PXDNL: variants seen among roughly 807,000 people sequenced by gnomAD.
PXDNL encodes the protein probable oxidoreductase PXDNL.
PXDNL carries 145 observed loss-of-function variants against 150.8 expected under a neutral mutation model. The ratio of observed to expected loss-of-function variants is 0.96; its 90% CI spans 0.84 to 1.10. The LOEUF (loss-of-function observed/expected upper bound fraction) is 1.10. Among genes scored for constraint, PXDNL ranks in the 50% least tolerant of loss-of-function variants. The pLI is 0.00. For synonymous variants in PXDNL, 757 were observed against 725.7 expected (o/e 1.04, Z -0.69); for missense variants, 2,087 against 1,873.9 (o/e 1.11, Z -2.10).
chr8:51,364,972 G>A (rs1461933447), intron 19 of PXDNL, among the ~76,000 whole-genome samples: 2 of 151,842 alleles, frequency 1.3e-5, no homozygotes, highest in Non-Finnish European at 2.9e-5. Context: ...ATGAAGTCTC[G>A]CTCTGTAGCC....
intron 1 of PXDNL, among the ~76,000 whole-genome samples, chr8:51,711,140 T>C (rs1017165338): frequency 6.8e-6 from 1 of 146,462 alleles, no homozygotes; most frequent in Admixed American, 6.7e-5. Context: ...TTTGAAATTA[T>C]CTTTTTTATT....
chr8:51,429,991 C>A (rs1020093581), intron 12 of PXDNL, among the ~76,000 whole-genome samples: 1 of 152,066 alleles, frequency 6.6e-6, no homozygotes, highest in Admixed American at 6.6e-5. Context: ...CTCATGAGAA[C>A]CAGGGTCAGC....
chr8:51,572,555 G>C (rs1029158881), intron 3 of PXDNL, among the ~76,000 whole-genome samples: 1 of 151,826 alleles, frequency 6.6e-6, no homozygotes, highest in Non-Finnish European at 1.5e-5. Context: ...GCTGAGAGTG[G>C]GAGGAATAGA....
chr8:51,514,006 C>T (rs1811479796), intron 4 of PXDNL, among the ~76,000 whole-genome samples: 1 of 152,202 alleles, frequency 6.6e-6, no homozygotes, highest in Admixed American at 6.5e-5. Context: ...TTACATTTCA[C>T]TTCTGGATGT....
chr8:51,773,593 C>T (rs1181617039), intron 1 of PXDNL, among the ~76,000 whole-genome samples: 2 of 152,222 alleles, frequency 1.3e-5, no homozygotes, highest in African/African-American at 4.8e-5. Flanking sequence ...AAGCTTCCAT[C>T]TCAGGAAACA....
intron 3 of PXDNL, among the ~76,000 whole-genome samples, chr8:51,580,734 T>C (rs902149274): frequency 4.6e-5 from 7 of 152,106 alleles, no homozygotes; most frequent in African/African-American, 1.2e-4. Context: ...CTTTGTAGAA[T>C]AGAAGGATAC....
intron 21 of PXDNL, among the ~76,000 whole-genome samples, chr8:51,323,350 G>A (rs1455666189): frequency 2.0e-5 from 3 of 152,126 alleles, no homozygotes; most frequent in Non-Finnish European, 4.4e-5. Flanking sequence ...CACCATCATG[G>A]CTCACTGTAT....
chr8:51,489,443 G>A (rs1197467021), intron 5 of PXDNL, among the ~76,000 whole-genome samples: 1 of 152,060 alleles, frequency 6.6e-6, no homozygotes, highest in African/African-American at 2.4e-5. Flanking sequence ...ACCCTCCCAA[G>A]TAGCTGAGAC....
intron 8 of PXDNL, among the ~76,000 whole-genome samples, chr8:51,465,370 A>G (rs890700297): frequency 7.2e-5 from 11 of 152,126 alleles, no homozygotes; most frequent in African/African-American, 2.2e-4. Context: ...ATAAAAAAAA[A>G]ACCTCAACAA....
At chr8:51,808,621 C>T (rs1488269068) in intron 1 of PXDNL, among the ~76,000 whole-genome samples, 1 of 152,180 alleles carries the variant, frequency 6.6e-6, no homozygotes, top group African/African-American at 2.4e-5. Context: ...GGCTGCTCCA[C>T]AAGGCTTTTA....
intron 1 of PXDNL, among the ~76,000 whole-genome samples, chr8:51,727,874 C>T (rs1231135485): frequency 6.6e-6 from 1 of 152,160 alleles, no homozygotes; most frequent in Non-Finnish European, 1.5e-5. Flanking sequence ...TTGACTGCTC[C>T]CAAGTTCATG....
At chr8:51,426,315 A>G (rs1809096868) in intron 13 of PXDNL, among the ~76,000 whole-genome samples, 3 of 152,158 alleles carry the variant, frequency 2.0e-5, no homozygotes. Context: ...TTATTAACTT[A>G]AAATGGTTTC....
At chr8:51,762,575 CTAAT>C (rs2037177030) in intron 1 of PXDNL, among the ~76,000 whole-genome samples, 1 of 152,226 alleles carries the variant, frequency 6.6e-6, no homozygotes, top group African/African-American at 2.4e-5. Context: ...ACAAACTCAA[CTAAT>C]TGTCAACCAG....
chr8:51,473,149 T>TA (rs1235048376), intron 7 of PXDNL, among the ~76,000 whole-genome samples: 7 of 151,682 alleles, frequency 4.6e-5, no homozygotes, highest in Admixed American at 1.3e-4. Flanking sequence ...TTGTGTAATT[T>TA]AAAAAAAAAT....
intron 2 of PXDNL, among the ~76,000 whole-genome samples, chr8:51,594,383 T>C (rs936382671): frequency 2.0e-5 from 3 of 152,190 alleles, no homozygotes; most frequent in Non-Finnish European, 4.4e-5. Context: ...ACAAAAGGTG[T>C]CTTTGGGCAT....
intron 2 of PXDNL, among the ~76,000 whole-genome samples, chr8:51,634,148 T>C (rs548371328): frequency 6.6e-6 from 1 of 152,306 alleles, no homozygotes. Context: ...TGAGCTAATT[T>C]TTTTATACAG....
At chr8:51,566,824 CTTGT>C (rs920025273) in intron 3 of PXDNL, among the ~76,000 whole-genome samples, 1 of 151,022 alleles carries the variant, frequency 6.6e-6, no homozygotes, top group African/African-American at 2.4e-5. Context: ...ATTTCTTCTG[CTTGT>C]TTAATTTTAT....
chr8:51,724,613 G>T (rs1440162984), intron 1 of PXDNL, among the ~76,000 whole-genome samples: 1 of 152,152 alleles, frequency 6.6e-6, no homozygotes, highest in Non-Finnish European at 1.5e-5. Context: ...ACCATACATA[G>T]TTCTCCTTAG....
chr8:51,553,771 T>TATATATATATATATATACACAC (rs1236843720), intron 4 of PXDNL, among the ~76,000 whole-genome samples: 36 of 63,778 alleles, frequency 5.6e-4, no homozygotes, highest in African/African-American at 3.4e-3. Context: ...TATATATATA[T>TATATATATATATATATACACAC]ACACACACTG....
Sources: gnomAD v4.1 joint callset for allele counts (sites outside exome capture counted in the v4.1 genomes callset) on GRCh38, gnomAD v4.1.1 for gene constraint, MANE v1.5 for transcripts, NCBI Gene and HGNC (gene_info 2026-07-23, HGNC 2026-07-21) for gene names.